Variants in TMPRSS15 observed in about 807,000 individuals in gnomAD.
TMPRSS15 encodes the protein enteropeptidase.
Under a neutral mutation model 125.3 loss-of-function variants are expected in TMPRSS15, and 128 were observed. The ratio of observed to expected loss-of-function variants is 1.02; its 90% CI spans 0.89 to 1.18. The LOEUF (loss-of-function observed/expected upper bound fraction) is 1.18. TMPRSS15 is among the 50% of genes most tolerant of loss of function. The probability of loss-of-function intolerance (pLI) is 0.00; values close to 1 mark genes in which losing one functional copy is unlikely to be tolerated. For synonymous variants in TMPRSS15, 446 were observed against 423.2 expected, an observed-to-expected ratio of 1.05 and a Z score of -0.66; for missense variants, 1,283 against 1,212.7, an observed-to-expected ratio of 1.06 and a Z score of -0.86.
At chr21:18,321,160 G>A (rs777545514) in intron 16 of TMPRSS15, among the ~76,000 whole-genome samples, 3 of 152,066 alleles carry the variant, frequency 2.0e-5, no homozygotes, top group Non-Finnish European at 4.4e-5. Context: ...ATTTATAGGA[G>A]ACAGATCTTA....
intron 1 of TMPRSS15, among the ~76,000 whole-genome samples, chr21:18,430,716 C>T (rs182980631): frequency 6.0e-4 from 91 of 152,128 alleles, no homozygotes; most frequent in African/African-American, 1.2e-3. Context: ...CAATCATTTC[C>T]GGATACAAGT....
At chr21:18,302,461 C>T (rs1438295636) in intron 18 of TMPRSS15, among the ~76,000 whole-genome samples, 1 of 152,118 alleles carries the variant, frequency 6.6e-6, no homozygotes, top group African/African-American at 2.4e-5. Context: ...ATTATTTAAC[C>T]ATGTATTGCA....
intron 1 of TMPRSS15, among the ~76,000 whole-genome samples, chr21:18,483,678 AT>A: frequency 6.6e-6 from 1 of 151,864 alleles, no homozygotes. Flanking sequence ...TTATTTCAAC[AT>A]TTTTCCTTGA....
intron 1 of TMPRSS15, among the ~76,000 whole-genome samples, chr21:18,470,543 G>C (rs1978757579): frequency 6.6e-6 from 1 of 152,036 alleles, no homozygotes; most frequent in African/African-American, 2.4e-5. Flanking sequence ...GTGTATAAAA[G>C]AAGCAGTATA....
intron 3 of TMPRSS15, among the ~76,000 whole-genome samples, chr21:18,386,567 C>A (rs753198653): frequency 1.3e-5 from 2 of 151,912 alleles, no homozygotes; most frequent in African/African-American, 4.8e-5. Context: ...TGCCTTTTTT[C>A]CTCCTCCTCT....
At chr21:18,331,225 C>G (rs1174105394) in intron 14 of TMPRSS15, among the ~76,000 whole-genome samples, 1 of 152,142 alleles carries the variant, frequency 6.6e-6, no homozygotes, top group East Asian at 1.9e-4. Context: ...AAGTGATGCT[C>G]TCTTATCTCT....
intron 3 of TMPRSS15, among the ~76,000 whole-genome samples, chr21:18,384,742 G>A (rs2075927035): frequency 6.6e-6 from 1 of 152,064 alleles, no homozygotes; most frequent in South Asian, 2.1e-4. Flanking sequence ...ACAGACTAGG[G>A]CAAACTAAAT....
intron 5 of TMPRSS15, among the ~76,000 whole-genome samples, chr21:18,373,391 A>G (rs2075811887): frequency 6.6e-6 from 1 of 152,136 alleles, no homozygotes; most frequent in Admixed American, 6.5e-5. Context: ...TATAGGACAG[A>G]GTAAAGATCA....
chr21:18,364,743 T>G lies in TMPRSS15; in HGVS notation c.773+397A>C, dbSNP rs115639136. 5.6e-3 allele frequency among the ~76,000 whole-genome samples: 846 copies of G among 152,320 alleles called. 7 individuals carry two copies. The highest frequency in any genetic ancestry group is 0.019 in the African/African-American group (805 of 41,580). ...TAATCTGCTGTAACTGAATCACACC[T>G]TTAGAGATTTCCACATGGTAAGCAG... On this transcript the variant is annotated intron_variant, in intron 7 of 24. Coordinates refer to ENST00000284885, the MANE Select transcript of TMPRSS15 (RefSeq NM_002772.3).
At chr21:18,334,949 A>C (rs2075377645) in intron 13 of TMPRSS15, among the ~76,000 whole-genome samples, 1 of 152,218 alleles carries the variant, frequency 6.6e-6, no homozygotes, top group Admixed American at 6.5e-5. Context: ...AGAAGGAAGA[A>C]GAGAGTGTAC....
At position 18,461,818 on chromosome 21, in the gene TMPRSS15, G is replaced by A. The variant is rs2122910625; in HGVS notation, c.10+23981C>T. Among the ~76,000 whole-genome samples the A allele has an allele frequency of 1.1e-4, 16 of 152,032 alleles. No homozygotes were observed. The East Asian group carries it at 2.5e-3, about 24-fold the overall frequency. On this transcript the variant is annotated intron_variant, in intron 1 of 7. Transcript: ENST00000422787. ...TTTTAAAAGTTATCAACGATCTTTG[G>A]ATACTATAGTTGCCCTGAGTTCAAC...
At chr21:18,349,623 C>T (rs142223807) in intron 10 of TMPRSS15, among the ~76,000 whole-genome samples, 3 of 152,224 alleles carry the variant, frequency 2.0e-5, no homozygotes, top group Admixed American at 6.5e-5. Flanking sequence ...AGAAGAAAAA[C>T]GCCCTTTGGA....
chr21:18,436,389 A>C (rs1459901711), intron 1 of TMPRSS15, among the ~76,000 whole-genome samples: 49 of 151,996 alleles, frequency 3.2e-4, no homozygotes, highest in Non-Finnish European at 1.5e-5. Flanking sequence ...TTCGTTATGT[A>C]CCCAGTAGTC....
intron 6 of TMPRSS15, among the ~76,000 whole-genome samples, chr21:18,365,743 CTTTTTTTTTT>C (rs36165986): frequency 1.2e-5 from 1 of 83,842 alleles, no homozygotes; most frequent in African/African-American, 4.7e-5. Context: ...CTCTTTTTTC[CTTTTTTTTTT>C]TTTTTTTGAG....
intron 1 of TMPRSS15, among the ~76,000 whole-genome samples, chr21:18,417,606 C>T (rs2076183259): frequency 6.6e-6 from 1 of 152,162 alleles, no homozygotes; most frequent in Non-Finnish European, 1.5e-5. Context: ...TAATTAACTT[C>T]AGGCTCTCAA....
chr21:18,278,007 C>T (rs963029855), intron 23 of TMPRSS15, among the ~76,000 whole-genome samples: 1 of 152,144 alleles, frequency 6.6e-6, no homozygotes, highest in African/African-American at 2.4e-5. Flanking sequence ...GTTTGGAAAA[C>T]ATGCAGTTGA....
At chr21:18,292,598 G>A (rs1018437319) in intron 21 of TMPRSS15, among the ~76,000 whole-genome samples, 5 of 152,144 alleles carry the variant, frequency 3.3e-5, no homozygotes, top group Admixed American at 1.3e-4. Flanking sequence ...CCTGATTGAT[G>A]TTTAGACAGC....
chr21:18,390,826 G>T (rs2075984277), intron 3 of TMPRSS15, among the ~76,000 whole-genome samples: 1 of 152,194 alleles, frequency 6.6e-6, no homozygotes, highest in Non-Finnish European at 1.5e-5. Flanking sequence ...CCTGAGACTG[G>T]GTAATTTATA....
chr21:18,445,069 C>T (rs1448660365), intron 1 of TMPRSS15, among the ~76,000 whole-genome samples: 1 of 152,102 alleles, frequency 6.6e-6, no homozygotes, highest in African/African-American at 2.4e-5. Flanking sequence ...GCTTACTTCA[C>T]TTAACATAAT....
Sources: allele counts gnomAD v4.1 joint callset (sites outside exome capture counted in the v4.1 genomes callset), GRCh38; gene constraint gnomAD v4.1.1; transcripts MANE v1.5; gene names NCBI Gene and HGNC (gene_info 2026-07-23, HGNC 2026-07-21).